VAMP3: variants seen among roughly 807,000 people sequenced by gnomAD.
VAMP3 encodes vesicle associated membrane protein 3, also known as vesicle-associated membrane protein 3.
VAMP3 carries 11 observed loss-of-function variants against 18.1 expected under a neutral mutation model. The ratio of observed to expected loss-of-function variants is 0.61; its 90% CI spans 0.38 to 1.00. The LOEUF is 1.00. Ranked by LOEUF, VAMP3 falls within the 50% of genes least tolerant of loss-of-function variation. VAMP3 has a pLI of 0.01. For missense variants in VAMP3, 122 were observed against 127.3 expected (o/e 0.96, Z 0.20); for synonymous variants, 49 against 43.1 (o/e 1.14, Z -0.53).
At position 7,780,981 on chromosome 1, in the gene VAMP3, A is replaced by C. The variant is rs2097056818; in HGVS notation, c.*1336A>C. On this transcript the variant is annotated 3_prime_UTR_variant, in exon 5 of 5. Transcript: ENST00000054666. ...CTTAAAGATGGGAATTCAGGTATGA[A>C]AGAAAACAGGCAAGGAGGCACTGAG... is the stretch of plus-strand genomic sequence containing the variant. 6.5e-6 allele frequency: 1 copy of C among 152,802 alleles called. No homozygotes were observed. The highest frequency in any genetic ancestry group is 6.5e-5 in the Admixed American group (1 of 15,286). 9.5% of individuals were successfully genotyped at this position (152,802 alleles called of 1,614,324 possible).
intron 4 of VAMP3, among the ~76,000 whole-genome samples, chr1:7,779,054 G>C (rs907472946): frequency 6.6e-6 from 1 of 152,148 alleles, no homozygotes. Flanking sequence ...AATTAGCCGG[G>C]TGTGGTCGCG....
intron 3 of VAMP3, among the ~76,000 whole-genome samples, chr1:7,777,612 A>G (rs769450757): frequency 1.3e-5 from 2 of 152,176 alleles, no homozygotes; most frequent in African/African-American, 2.4e-5. Context: ...CAGGGCCCCA[A>G]ACAGATAGGA....
rs1258999217 is a variant in VAMP3, at chr1:7,773,481, A to G, written c.42A>G (p.Arg14=). The part of the protein sequence containing the change: ...GPTAATGSNR[R]LQQTQNQVDE... Reference sequence around the variant, plus strand: ...CTGCTGCCACTGGCAGTAATCGAAGACTTCAGCAGACACAAAATCAAGTAG... The same window carrying G: ...CTGCTGCCACTGGCAGTAATCGAAGGCTTCAGCAGACACAAAATCAAGTAG... Residue 14 remains arginine, a synonymous_variant, in exon 2 of 5, where the codon AGA becomes AGG. Transcript: ENST00000054666. 2.5e-6 allele frequency: 4 copies of G among 1,614,152 alleles called. No homozygotes were observed. The Admixed American group carries it at 6.7e-5, about 27-fold the overall frequency.
intron 4 of VAMP3, among the ~76,000 whole-genome samples, chr1:7,779,295 AAC>A (rs1478063761): frequency 6.6e-6 from 1 of 152,166 alleles, no homozygotes; most frequent in Non-Finnish European, 1.5e-5. Flanking sequence ...TGTATACACA[AAC>A]ACACACACAA....
At chr1:7,773,208 A>T in intron 1 of VAMP3, 1 of 518,644 alleles carries the variant, frequency 1.9e-6, no homozygotes, top group Non-Finnish European at 3.5e-6. Context: ...AGTAGGTCCT[A>T]TTAAAGCTTA....
chr1:7,773,224 T>C, intron 1 of VAMP3: 1 of 548,378 alleles, frequency 1.8e-6, no homozygotes, highest in Non-Finnish European at 3.3e-6. Context: ...GCTTAACATT[T>C]GTCCCTTTAG....
intron 1 of VAMP3, 108 bp downstream of exon 1, chr1:7,771,493 G>C: frequency 7.6e-7 from 1 of 1,307,522 alleles, no homozygotes; most frequent in South Asian, 1.7e-5. Flanking sequence ...GACGCAGGCC[G>C]GGGCTGCGCG....
At chr1:7,778,299 A>C in intron 4 of VAMP3, 130 bp downstream of exon 4, 17 of 1,084,048 alleles carry the variant, frequency 1.6e-5, no homozygotes, top group East Asian at 2.4e-5. Flanking sequence ...GCGGTGACTC[A>C]TGCCTGTAAT....
chr1:7,771,639 C>T (rs2097050938), intron 1 of VAMP3, among the ~76,000 whole-genome samples: 1 of 152,194 alleles, frequency 6.6e-6, no homozygotes, highest in African/African-American at 2.4e-5. Flanking sequence ...AGGAAGTGAG[C>T]TGCCCGCCCG....
chr1:7,775,092 A>G (rs901041333), intron 2 of VAMP3, among the ~76,000 whole-genome samples: 5 of 152,060 alleles, frequency 3.3e-5, no homozygotes, highest in Admixed American at 2.6e-4. Context: ...TAACCATCCT[A>G]CTGAGCTCTT....
At chr1:7,773,172 T>A (rs2097052140) in intron 1 of VAMP3, 1 of 416,548 alleles carries the variant, frequency 2.4e-6, no homozygotes, top group African/African-American at 2.0e-5. Context: ...TTACCTATCG[T>A]GGGATCAGAT....
chr1:7,777,433 A>G, intron 3 of VAMP3, 115 bp downstream of exon 3: 1 of 1,338,654 alleles, frequency 7.5e-7, no homozygotes, highest in Middle Eastern at 2.2e-4. Context: ...GACTTCCTCC[A>G]CATGGAAATG....
chr1:7,775,226 G>A (rs1247941987), intron 2 of VAMP3, among the ~76,000 whole-genome samples: 2 of 152,134 alleles, frequency 1.3e-5, no homozygotes, highest in African/African-American at 4.8e-5. Context: ...TAATTGGGTT[G>A]TTTGAGTTGT....
At chr1:7,771,955 G>T (rs1266293493) in intron 1 of VAMP3, among the ~76,000 whole-genome samples, 1 of 152,194 alleles carries the variant, frequency 6.6e-6, no homozygotes, top group African/African-American at 2.4e-5. Context: ...GAATCACAAG[G>T]ACTCCCTCTT....
chr1:7,777,401 C>G (rs1449207528), intron 3 of VAMP3, 83 bp downstream of exon 3: 2 of 1,489,062 alleles, frequency 1.3e-6, no homozygotes, highest in Non-Finnish European at 9.0e-7. Flanking sequence ...AATGGACTTT[C>G]ACGACTCTGG....
At chr1:7,779,281 T>G (rs954245726) in intron 4 of VAMP3, among the ~76,000 whole-genome samples, 1 of 152,100 alleles carries the variant, frequency 6.6e-6, no homozygotes, top group Non-Finnish European at 1.5e-5. Flanking sequence ...ATAAATAATA[T>G]ATATGTATAC....
In VAMP3 at chr1:7,777,232, C is replaced by T. The variant is rs778011351; in HGVS notation, c.145C>T (p.Arg49Cys). 6 of 1,613,692 alleles carry T rather than the reference C, an allele frequency of 3.7e-6. No individual in the cohort carries two copies. The highest frequency in any genetic ancestry group is 1.3e-5 in the African/African-American group (1 of 74,930). The change falls in exon 3 of 5, where the codon CGT becomes TGT. Residue 49 changes from arginine (R) to cysteine (C), a missense_variant. Arg to Cys is a radical substitution (Grantham distance 180). Transcript: ENST00000054666. ...CCAGAAGCTCTCTGAGTTAGACGACCGTGCAGACGCACTGCAGGCAGGCGC... is the reference window on the plus strand; with the variant it reads ...CCAGAAGCTCTCTGAGTTAGACGACTGTGCAGACGCACTGCAGGCAGGCGC... ...RDQKLSELDD[R>C]ADALQAGASQ...
intron 2 of VAMP3, among the ~76,000 whole-genome samples, chr1:7,773,891 T>A (rs11590868): frequency 6.6e-6 from 1 of 152,126 alleles, no homozygotes; most frequent in South Asian, 2.1e-4. Context: ...CTGATCAGAT[T>A]TTTTTATCAA....
At position 7,781,138 on chromosome 1, in the gene VAMP3, T is replaced by C. The variant is rs2097056947; in HGVS notation, c.*1493T>C. 6.5e-6 allele frequency: 1 copy of C among 152,826 alleles called. No individual in the cohort carries two copies. The highest frequency in any genetic ancestry group is 2.4e-5 in the African/African-American group (1 of 41,464). 9.5% of individuals were successfully genotyped at this position (152,826 alleles called of 1,614,324 possible). On this transcript the variant is annotated 3_prime_UTR_variant, in exon 5 of 5. Transcript: ENST00000054666. ...CACCAGGACACAGCTTCCATTTCTT[T>C]AACGTCTGTTCCCTTAACATCGCTG...
Sources: allele counts gnomAD v4.1 joint callset (sites outside exome capture counted in the v4.1 genomes callset), GRCh38; gene constraint gnomAD v4.1.1; transcripts MANE v1.5; gene names NCBI Gene and HGNC (gene_info 2026-07-23, HGNC 2026-07-21).